The following GALNT18 variants were observed in gnomAD, a reference collection of about 807,000 sequenced individuals.
GALNT18 encodes the protein GalNAc-transferase 18.
A neutral mutation model predicts 69.5 loss-of-function variants in GALNT18; 44 were observed. That is an observed-to-expected ratio of 0.63 (90% CI 0.50 to 0.81). GALNT18 has a LOEUF of 0.81. Among genes scored for constraint, GALNT18 ranks in the 40% least tolerant of loss-of-function variants. The pLI is 0.00. For missense variants in GALNT18, 715 were observed against 810.0 expected (o/e 0.88, Z 1.42); for synonymous variants, 364 against 318.2 (o/e 1.14, Z -1.53).
At chr11:11,342,003 C>T (rs57138334) in intron 6 of GALNT18, among the ~76,000 whole-genome samples, 21,150 of 151,732 alleles carry the variant, frequency 0.14, 2,367 homozygotes, top group African/African-American at 0.29. Context: ...GACTATATGG[C>T]CCCAACATTG....
At chr11:11,362,697 C>T (rs1850670842) in intron 6 of GALNT18, among the ~76,000 whole-genome samples, 1 of 152,258 alleles carries the variant, frequency 6.6e-6, no homozygotes, top group East Asian at 1.9e-4. Context: ...GTTGGTATGG[C>T]TGTGAGAAGA....
intron 10 of GALNT18, among the ~76,000 whole-genome samples, chr11:11,286,142 T>C (rs2132994125): frequency 6.6e-6 from 1 of 152,208 alleles, no homozygotes; most frequent in South Asian, 2.1e-4. Context: ...TTGCCAATGT[T>C]CCCGCCAAAG....
rs540383363 is a variant in GALNT18 at position 11,480,818 on chromosome 11, T to C, written c.236-31882A>G. On this transcript the variant is annotated intron_variant, in intron 1 of 10. Coordinates refer to ENST00000227756, the MANE Select transcript of GALNT18 (RefSeq NM_198516.3). This position sits in a 1 kb window ranked among gnomAD's most constrained non-coding sequence, Gnocchi z 4.6. Reference sequence around the variant, plus strand: ...TGCTATGTGATAGAAGGTTCTGTGGTGAAATGGCTAAGGGAATTACTGCTT... The same window carrying C: ...TGCTATGTGATAGAAGGTTCTGTGGCGAAATGGCTAAGGGAATTACTGCTT... Among the ~76,000 whole-genome samples, 3 of 152,300 alleles carry C rather than the reference T, an allele frequency of 2.0e-5. No individual in the cohort carries two copies. Among genetic ancestry groups the C allele is most frequent in the Admixed American group, 1.3e-4 (2 of 15,306 alleles).
rs1255992342 is a variant in GALNT18, at chr11:11,340,375, A to G, written c.1278+444T>C. Among the ~76,000 whole-genome samples, 1 of 152,192 alleles carries G rather than the reference A, an allele frequency of 6.6e-6. No homozygotes were observed. The highest frequency in any genetic ancestry group is 6.5e-5 in the Admixed American group (1 of 15,270). ...AAACCTGAAAGGCATGTGGATCTTT[A>G]TAACTCTGGTCAAAGGTTCAATGGA... On this transcript the variant is annotated intron_variant, in intron 7 of 10. Coordinates refer to ENST00000227756, the MANE Select transcript of GALNT18 (RefSeq NM_198516.3). This position sits in a 1 kb window ranked among gnomAD's most constrained non-coding sequence, Gnocchi z 4.2.
intron 2 of GALNT18, among the ~76,000 whole-genome samples, chr11:11,442,616 C>T (rs7396111): frequency 0.97 from 148,452 of 152,274 alleles, 72,492 homozygotes; most frequent in East Asian, 1. Flanking sequence ...TATTCTTCCT[C>T]TGCTACTATC....
At chr11:11,495,464 A>AAC (rs1357294941) in intron 1 of GALNT18, among the ~76,000 whole-genome samples, 1 of 152,150 alleles carries the variant, frequency 6.6e-6, no homozygotes, top group Non-Finnish European at 1.5e-5. Context: ...ACCTGCAAAA[A>AAC]CAGGGTTGTT....
At chr11:11,452,910 A>C (rs1421132840) in intron 1 of GALNT18, among the ~76,000 whole-genome samples, 1 of 152,152 alleles carries the variant, frequency 6.6e-6, no homozygotes, top group African/African-American at 2.4e-5. Context: ...ACTCCCCAGG[A>C]GGGCCCATTC....
At chr11:11,471,966 C>T (rs1202780476) in intron 1 of GALNT18, among the ~76,000 whole-genome samples, 1 of 152,184 alleles carries the variant, frequency 6.6e-6, no homozygotes. Flanking sequence ...GTGATGGGGA[C>T]ATGGCTGAGT....
At chr11:11,287,002 G>A (rs1049857707) in intron 10 of GALNT18, among the ~76,000 whole-genome samples, 2 of 152,112 alleles carry the variant, frequency 1.3e-5, no homozygotes, top group Non-Finnish European at 2.9e-5. Flanking sequence ...TTGACAACCT[G>A]CTGATGGTCC....
At chr11:11,594,753 A>G (rs1296075675) in intron 1 of GALNT18, among the ~76,000 whole-genome samples, 1 of 150,246 alleles carries the variant, frequency 6.7e-6, no homozygotes, top group Admixed American at 6.6e-5. Context: ...CATTATAAAT[A>G]ATATTGCTAT....
Position 11,602,911 on chromosome 11 carries a change from G to C in GALNT18, c.235+18448C>G, listed in dbSNP as rs566943381. 5.9e-5 allele frequency among the ~76,000 whole-genome samples: 9 copies of C among 152,198 alleles called. No individual in the cohort carries two copies. The highest frequency in any genetic ancestry group is 6.5e-5 in the Admixed American group (1 of 15,280). ...CTTCCAGGTACAGGAGTCAAAATGG[G>C]TGGTAAACTTGGGAAATACTAGAAT... On this transcript the variant is annotated intron_variant, in intron 1 of 10. Transcript: ENST00000227756. The surrounding 1 kb of genome is among the most constrained non-coding windows in gnomAD (Gnocchi z 4.7).
At chr11:11,434,351 G>A (rs1301726280) in intron 2 of GALNT18, among the ~76,000 whole-genome samples, 1 of 152,122 alleles carries the variant, frequency 6.6e-6, no homozygotes, top group African/African-American at 2.4e-5. Flanking sequence ...GCATTTAATG[G>A]AATAAATATT....
At chr11:11,410,380 G>A (rs1344470606) in intron 3 of GALNT18, among the ~76,000 whole-genome samples, 1 of 152,062 alleles carries the variant, frequency 6.6e-6, no homozygotes, top group Non-Finnish European at 1.5e-5. Flanking sequence ...CAGATCCTGC[G>A]GTCGGGGGAT....
intron 9 of GALNT18, among the ~76,000 whole-genome samples, chr11:11,316,139 G>A (rs1047688199): frequency 6.6e-6 from 1 of 152,190 alleles, no homozygotes; most frequent in Admixed American, 6.5e-5. Context: ...CCTGGTTGGG[G>A]TTCCCCAATA....
intron 3 of GALNT18, among the ~76,000 whole-genome samples, chr11:11,401,374 G>A (rs1564930294): frequency 6.6e-6 from 1 of 152,132 alleles, no homozygotes; most frequent in African/African-American, 2.4e-5. Context: ...AAGGACTTAG[G>A]CTATTGTGTG....
intron 7 of GALNT18, among the ~76,000 whole-genome samples, chr11:11,336,236 C>T (rs569108009): frequency 6.6e-6 from 1 of 152,246 alleles, no homozygotes; most frequent in South Asian, 2.1e-4. Context: ...AACTGATTTT[C>T]AATTAAAGTA....
At chr11:11,514,514 A>T (rs1446318009) in intron 1 of GALNT18, among the ~76,000 whole-genome samples, 1 of 152,330 alleles carries the variant, frequency 6.6e-6, no homozygotes, top group African/African-American at 2.4e-5. Flanking sequence ...CAGAGGAATC[A>T]GTTTTCTAAA....
In GALNT18 at chr11:11,617,213, G is replaced by T. The variant is rs1015718658; in HGVS notation, c.235+4146C>A. 9.2e-5 allele frequency among the ~76,000 whole-genome samples: 14 copies of T among 152,262 alleles called. No individual in the cohort carries two copies. Among genetic ancestry groups the T allele is most frequent in the South Asian group, 2.1e-4 (1 of 4,824 alleles). On this transcript the variant is annotated intron_variant, in intron 1 of 10. Transcript: ENST00000227756. The surrounding 1 kb of genome is among the most constrained non-coding windows in gnomAD (Gnocchi z 4.7). The stretch of plus-strand genomic sequence containing the variant: ...AACATTAAAATAAAAATATTTAATT[G>T]TATGTATGTAATACTTTGTTGTACT...
chr11:11,299,230 C>T (rs554644636), intron 9 of GALNT18, among the ~76,000 whole-genome samples: 13 of 152,208 alleles, frequency 8.5e-5, no homozygotes, highest in African/African-American at 1.4e-4. Context: ...CTGCAACCTC[C>T]GCCTCCCAGG....
Sources: allele counts gnomAD v4.1 joint callset (sites outside exome capture counted in the v4.1 genomes callset), GRCh38; gene constraint gnomAD v4.1.1; non-coding constraint Gnocchi (gnomAD v3.1); transcripts MANE v1.5; gene names NCBI Gene and HGNC (gene_info 2026-07-23, HGNC 2026-07-21).